Variants in NKAIN2 observed in about 807,000 individuals in gnomAD.
NKAIN2 encodes the protein sodium/potassium-transporting ATPase subunit beta-1-interacting protein 2.
A neutral mutation model predicts 32.6 loss-of-function variants in NKAIN2; 14 were observed. That is an observed-to-expected ratio of 0.43 (90% CI 0.28 to 0.67). The LOEUF is 0.67. NKAIN2 is among the 30% of genes least tolerant of loss of function. The pLI, the probability that NKAIN2 is intolerant of heterozygous loss-of-function variation, is 0.17. For missense variants in NKAIN2, 198 were observed against 258.3 expected (o/e 0.77, Z 1.60); for synonymous variants, 80 against 87.2 (o/e 0.92, Z 0.46).
Position 124,549,829 on chromosome 6 carries a change from A to G in NKAIN2, c.274-108357A>G, listed in dbSNP as rs1583424544. The stretch of plus-strand genomic sequence containing the variant: ...TCACAGAAGCTATGTACCCTACCTC[A>G]GTGCTTCATATCAGGGGGTATGTGG... On this transcript the variant is annotated intron_variant, in intron 3 of 6. Transcript: ENST00000368417. Among the ~76,000 whole-genome samples, 3 of 152,216 alleles carry G rather than the reference A, an allele frequency of 2.0e-5. No individual in the cohort carries two copies. In the South Asian group the frequency reaches 6.2e-4, roughly 32 times the overall value.
rs538076916 is a variant in NKAIN2 at position 124,493,053 on chromosome 6, T to G, written c.273+137706T>G. Among the ~76,000 whole-genome samples the G allele has an allele frequency of 2.0e-3, 299 of 152,128 alleles. 2 individuals are homozygous for G. The highest frequency in any genetic ancestry group is 7.0e-3 in the African/African-American group (290 of 41,554). On this transcript the variant is annotated intron_variant, in intron 3 of 6. Coordinates refer to ENST00000368417, the MANE Select transcript of NKAIN2 (RefSeq NM_001040214.3). ...GTTATGGCACCTATTAATACAGTTG[T>G]TATAGTGATTAGATTAGAAAATAAA...
chr6:124,701,321 A>G (rs1342542275), intron 4 of NKAIN2, among the ~76,000 whole-genome samples: 1 of 152,116 alleles, frequency 6.6e-6, no homozygotes, highest in Non-Finnish European at 1.5e-5. Context: ...AGTCTTTCTT[A>G]AGGACAATTA....
intron 3 of NKAIN2, among the ~76,000 whole-genome samples, chr6:124,646,548 C>T (rs975979226): frequency 2.6e-5 from 4 of 151,922 alleles, no homozygotes; most frequent in African/African-American, 9.7e-5. Context: ...ATTGAAAGGC[C>T]CAAAGATGCT....
intron 1 of NKAIN2, among the ~76,000 whole-genome samples, chr6:124,273,024 G>A (rs1402825292): frequency 6.6e-6 from 1 of 152,200 alleles, no homozygotes; most frequent in Non-Finnish European, 1.5e-5. Flanking sequence ...CAGGCTCATA[G>A]GTGGAAGGAA....
intron 3 of NKAIN2, among the ~76,000 whole-genome samples, chr6:124,558,483 G>A (rs1027908192): frequency 3.3e-5 from 5 of 152,152 alleles, no homozygotes; most frequent in African/African-American, 1.2e-4. Flanking sequence ...TATAAAACCA[G>A]GAAGGGTTTA....
At chr6:124,527,306 AAT>A (rs1779356357) in intron 3 of NKAIN2, among the ~76,000 whole-genome samples, 2 of 152,136 alleles carry the variant, frequency 1.3e-5, no homozygotes, top group South Asian at 4.1e-4. Flanking sequence ...TGTCAGGAAA[AAT>A]ATTATTTCAC....
intron 1 of NKAIN2, among the ~76,000 whole-genome samples, chr6:123,977,012 T>C (rs1237230981): frequency 6.6e-6 from 1 of 152,158 alleles, no homozygotes; most frequent in Non-Finnish European, 1.5e-5. Flanking sequence ...TGTGGGATAT[T>C]AATAGTCCGC....
chr6:124,489,860 C>A (rs184746220), intron 3 of NKAIN2, among the ~76,000 whole-genome samples: 1 of 151,874 alleles, frequency 6.6e-6, no homozygotes, highest in Admixed American at 6.6e-5. Context: ...TCTAATTTGT[C>A]CCCTATCCTC....
intron 2 of NKAIN2, among the ~76,000 whole-genome samples, chr6:124,288,460 C>T (rs543424869): frequency 6.6e-6 from 1 of 152,300 alleles, no homozygotes; most frequent in African/African-American, 2.4e-5. Context: ...ATGTTTTTAA[C>T]TCCTTAGTTA....
At chr6:124,793,006 G>C (rs1582532352) in intron 5 of NKAIN2, among the ~76,000 whole-genome samples, 1 of 152,004 alleles carries the variant, frequency 6.6e-6, no homozygotes, top group Non-Finnish European at 1.5e-5. Flanking sequence ...TCAAGAGGGG[G>C]AAAGATTAGG....
At chr6:124,271,101 T>TTC (rs758699870) in intron 1 of NKAIN2, among the ~76,000 whole-genome samples, 1 of 152,152 alleles carries the variant, frequency 6.6e-6, no homozygotes, top group African/African-American at 2.4e-5. Flanking sequence ...GTTTTTTTCT[T>TTC]TCTCTCTCTC....
chr6:124,517,217 G>A (rs913415923), intron 3 of NKAIN2, among the ~76,000 whole-genome samples: 6 of 152,116 alleles, frequency 3.9e-5, no homozygotes, highest in African/African-American at 1.2e-4. Flanking sequence ...TGTCACATCC[G>A]AAATAAATCT....
Position 124,290,510 on chromosome 6 carries a change from ATGTGTG to A in NKAIN2, c.192+7405_192+7410del, listed in dbSNP as rs56389666. 9.4e-3 allele frequency among the ~76,000 whole-genome samples: 1,301 copies of A among 137,856 alleles called. 9 individuals are homozygous for A. Among genetic ancestry groups the A allele is most frequent in the East Asian group, 0.028 (129 of 4,560 alleles). The allele number at this position is 137,856 out of a possible 152,430, so 90.4% of individuals were successfully genotyped here. On this transcript the variant is annotated intron_variant, in intron 2 of 6. Transcript: ENST00000368417. ...TAGTTCTTCTGGGGTTACCTCAGAA[ATGTGTG>A]TGTGTGTGTGTGTGTGTGTGTGTGT...
chr6:124,679,504 T>C (rs1287389902), intron 4 of NKAIN2, among the ~76,000 whole-genome samples: 3 of 152,174 alleles, frequency 2.0e-5, no homozygotes, highest in Non-Finnish European at 4.4e-5. Context: ...GGAAGGACTG[T>C]GATGAATGAG....
intron 2 of NKAIN2, among the ~76,000 whole-genome samples, chr6:124,313,641 G>T (rs1175791683): frequency 6.6e-6 from 1 of 151,994 alleles, no homozygotes; most frequent in East Asian, 1.9e-4. Flanking sequence ...GGTAAAAGAG[G>T]TAAACTCCTC....
chr6:124,378,221 ACTCACACTCCATGAAGTGGG>A (rs1032598171), intron 3 of NKAIN2, among the ~76,000 whole-genome samples: 1 of 152,088 alleles, frequency 6.6e-6, no homozygotes, highest in African/African-American at 2.4e-5. Context: ...GTGACAGAAC[ACTCACACTCCATGAAGTGGG>A]CTTATTACTT....
intron 3 of NKAIN2, among the ~76,000 whole-genome samples, chr6:124,482,176 T>A (rs1777479250): frequency 6.6e-6 from 1 of 152,132 alleles, no homozygotes; most frequent in Non-Finnish European, 1.5e-5. Context: ...TTATAATGAG[T>A]ATGCAGGCAG....
Position 124,712,432 on chromosome 6 carries a change from C to T in NKAIN2, c.474+54046C>T, listed in dbSNP as rs1180473737. ...CTCCCCCAGGCTCGCTGCCGCCTTG[C>T]AGTTTGATCTCAGACTGCTGTGCTA... On this transcript the variant is annotated intron_variant, in intron 4 of 6. Coordinates refer to ENST00000368417, the MANE Select transcript of NKAIN2 (RefSeq NM_001040214.3). 1.7e-5 allele frequency among the ~76,000 whole-genome samples: 2 copies of T among 115,692 alleles called. 1 individual carries two copies. Among genetic ancestry groups the T allele is most frequent in the Non-Finnish European group, 3.7e-5 (2 of 54,714 alleles). The allele number at this position is 115,692 out of a possible 152,430, so 75.9% of individuals were successfully genotyped here. A position where few individuals can be genotyped will look rare whatever the true frequency, so the allele number is the denominator to read the frequency against.
intron 4 of NKAIN2, among the ~76,000 whole-genome samples, chr6:124,739,581 T>C (rs1777107802): frequency 6.6e-6 from 1 of 151,860 alleles, no homozygotes; most frequent in Non-Finnish European, 1.5e-5. Context: ...TAGTCTGTTA[T>C]CATTGTAGCA....
Sources: gnomAD v4.1 joint callset for allele counts (sites outside exome capture counted in the v4.1 genomes callset) on GRCh38, gnomAD v4.1.1 for gene constraint, MANE v1.5 for transcripts, NCBI Gene and HGNC (gene_info 2026-07-23, HGNC 2026-07-21) for gene names.